RANBP2: variants seen among roughly 807,000 people sequenced by gnomAD.
The protein encoded by RANBP2 is E3 SUMO-protein ligase RanBP2.
RANBP2 carries 57 observed loss-of-function variants against 303.6 expected under a neutral mutation model. The ratio of observed to expected loss-of-function variants is 0.19; its 90% CI spans 0.15 to 0.23. The LOEUF (loss-of-function observed/expected upper bound fraction) is 0.23, where lower values mean the gene tolerates loss of function less well. Ranked by LOEUF, RANBP2 falls within the 10% of genes least tolerant of loss-of-function variation. The pLI, the probability that RANBP2 is intolerant of heterozygous loss-of-function variation, is 1.00. For missense variants in RANBP2, 3,138 were observed against 3,780.8 expected, an observed-to-expected ratio of 0.83 and a Z score of 4.46; for synonymous variants, 1,167 against 1,301.5, an observed-to-expected ratio of 0.90 and a Z score of 2.23.
the RANBP2 span, among the ~76,000 whole-genome samples, chr2:108,861,952 C>T: frequency 6.6e-6 from 1 of 151,960 alleles, no homozygotes; most frequent in African/African-American, 2.4e-5. Context: ...TTGTTGTTTA[C>T]CCAAAAGTCA....
At chr2:108,724,393 G>C (rs1454155866) in intron 1 of RANBP2, among the ~76,000 whole-genome samples, 7 of 152,062 alleles carry the variant, frequency 4.6e-5, no homozygotes, top group Non-Finnish European at 7.4e-5. Context: ...GAAACTAATG[G>C]TATGTCTTTA....
chr2:109,244,624 G>A, the RANBP2 span, among the ~76,000 whole-genome samples: 1 of 152,236 alleles, frequency 6.6e-6, no homozygotes, highest in Admixed American at 6.5e-5. Context: ...AAGAATGCCA[G>A]TTAGCAGGAG....
chr2:108,931,644 A>C, the RANBP2 span, among the ~76,000 whole-genome samples: 384 of 152,380 alleles, frequency 2.5e-3, 1 homozygote, highest in Admixed American at 4.4e-3. Flanking sequence ...GCATGGCTGC[A>C]GCTGTTCAGG....
chr2:109,667,046 C>A, the RANBP2 span: 1 of 557,014 alleles, frequency 1.8e-6, no homozygotes, highest in Non-Finnish European at 3.2e-6. Context: ...ATGGAAAAGT[C>A]AATCCAGTGA....
chr2:109,570,287 A>T, the RANBP2 span, among the ~76,000 whole-genome samples: 2 of 152,118 alleles, frequency 1.3e-5, no homozygotes, highest in Non-Finnish European at 2.9e-5. Flanking sequence ...GTTACCATAA[A>T]ATATTTCATT....
the RANBP2 span, among the ~76,000 whole-genome samples, chr2:108,948,306 T>C: frequency 6.6e-6 from 1 of 152,224 alleles, no homozygotes; most frequent in Non-Finnish European, 1.5e-5. Context: ...CTGTAGGAAG[T>C]TCCAAACGTT....
chr2:109,544,745 A>G, the RANBP2 span: 1 of 835,356 alleles, frequency 1.2e-6, no homozygotes. Context: ...TTCTAAATTC[A>G]ATGCTTGAAT....
At chr2:108,866,712 G>A in the RANBP2 span, among the ~76,000 whole-genome samples, 4 of 152,070 alleles carry the variant, frequency 2.6e-5, no homozygotes, top group Non-Finnish European at 4.4e-5. Context: ...GTGAAACCCC[G>A]TCTCTACTAA....
chr2:109,118,070 A>C, the RANBP2 span, among the ~76,000 whole-genome samples: 1 of 152,222 alleles, frequency 6.6e-6, no homozygotes, highest in African/African-American at 2.4e-5. Flanking sequence ...AAGATCAGCC[A>C]GCACTGACTG....
chr2:109,558,971 C>T, the RANBP2 span, among the ~76,000 whole-genome samples: 2 of 152,036 alleles, frequency 1.3e-5, no homozygotes, highest in African/African-American at 2.4e-5. Context: ...CTGCAGCCTC[C>T]ACCTCCTGGG....
At chr2:109,520,097 C>T in the RANBP2 span, among the ~76,000 whole-genome samples, 10 of 152,306 alleles carry the variant, frequency 6.6e-5, no homozygotes, top group South Asian at 2.1e-3. Context: ...GGCTAATTTC[C>T]TGTGATACGG....
At chr2:109,158,075 C>T in the RANBP2 span, among the ~76,000 whole-genome samples, 1 of 152,122 alleles carries the variant, frequency 6.6e-6, no homozygotes, top group African/African-American at 2.4e-5. Flanking sequence ...GAGCTGGACT[C>T]CCATTTTACA....
chr2:109,306,030 G>A, the RANBP2 span, among the ~76,000 whole-genome samples: 7 of 152,318 alleles, frequency 4.6e-5, no homozygotes, highest in African/African-American at 1.4e-4. Context: ...GGAGTGATTC[G>A]CTGCCTTCTG....
chr2:109,594,913 A>T, the RANBP2 span: 1 of 151,418 alleles, frequency 6.6e-6, no homozygotes, highest in African/African-American at 2.4e-5. Flanking sequence ...TTTGAGACAG[A>T]GTCTCACTCC....
chr2:109,402,551 C>A, the RANBP2 span, among the ~76,000 whole-genome samples: 1 of 152,228 alleles, frequency 6.6e-6, no homozygotes, highest in African/African-American at 2.4e-5. Context: ...GTGCCTACAG[C>A]ATGGGGCAGT....
At chr2:109,542,225 T>C in the RANBP2 span, among the ~76,000 whole-genome samples, 12 of 152,342 alleles carry the variant, frequency 7.9e-5, 1 homozygote, top group East Asian at 2.3e-3. Flanking sequence ...TAAAAAATTT[T>C]TTCTTTGTTG....
the RANBP2 span, chr2:108,930,824 G>A: frequency 0.04 from 38,158 of 952,292 alleles, 979 homozygotes; most frequent in Non-Finnish European, 0.05. Flanking sequence ...TGCAGGCCTG[G>A]TTTCATTTCA....
chr2:108,988,524 T>C, the RANBP2 span, among the ~76,000 whole-genome samples: 1 of 152,104 alleles, frequency 6.6e-6, no homozygotes, highest in Non-Finnish European at 1.5e-5. Context: ...TTGGAAGGTC[T>C]CTTAGGTCAC....
the RANBP2 span, among the ~76,000 whole-genome samples, chr2:109,079,049 G>A: frequency 6.6e-6 from 1 of 152,074 alleles, no homozygotes; most frequent in African/African-American, 2.4e-5. Flanking sequence ...CTGGTAATCG[G>A]TTCACGATGT....
Sources: gnomAD v4.1 joint callset for allele counts (sites outside exome capture counted in the v4.1 genomes callset) on GRCh38, gnomAD v4.1.1 for gene constraint, MANE v1.5 for transcripts, NCBI Gene and HGNC (gene_info 2026-07-23, HGNC 2026-07-21) for gene names.